HS6ST3: variants seen among roughly 807,000 people sequenced by gnomAD.
The protein encoded by HS6ST3 is heparan sulfate 6-O-sulfotransferase 3.
Under a neutral mutation model 36.7 loss-of-function variants are expected in HS6ST3, and 12 were observed. That is an observed-to-expected ratio of 0.33 (90% CI 0.21 to 0.53). The LOEUF is 0.53. Among genes scored for constraint, HS6ST3 ranks in the 20% least tolerant of loss-of-function variants. The probability of loss-of-function intolerance (pLI) is 0.95; values close to 1 mark genes in which losing one functional copy is unlikely to be tolerated. For synonymous variants in HS6ST3, 240 were observed against 257.5 expected (o/e 0.93, Z 0.65); for missense variants, 584 against 640.9 (o/e 0.91, Z 0.96).
At chr13:96,481,863 T>C (rs1302017313) in intron 1 of HS6ST3, among the ~76,000 whole-genome samples, 1 of 152,148 alleles carries the variant, frequency 6.6e-6, no homozygotes, top group East Asian at 1.9e-4. Flanking sequence ...TAATTATTTT[T>C]CAAAATTCTC....
intron 1 of HS6ST3, among the ~76,000 whole-genome samples, chr13:96,770,731 T>G (rs1453782080): frequency 6.6e-6 from 1 of 152,242 alleles, no homozygotes; most frequent in Non-Finnish European, 1.5e-5. Context: ...AGTGCTCACT[T>G]TCATCAAGCT....
intron 1 of HS6ST3, among the ~76,000 whole-genome samples, chr13:96,407,051 AT>A (rs1247273142): frequency 1.3e-5 from 2 of 152,250 alleles, no homozygotes; most frequent in African/African-American, 4.8e-5. Flanking sequence ...GCAGTGATTT[AT>A]AAAAAGTTAT....
intron 1 of HS6ST3, among the ~76,000 whole-genome samples, chr13:96,652,104 A>C (rs2056609584): frequency 6.6e-6 from 1 of 152,074 alleles, no homozygotes; most frequent in South Asian, 2.1e-4. Context: ...AATACAGTTT[A>C]TGTATACACA....
intron 1 of HS6ST3, among the ~76,000 whole-genome samples, chr13:96,213,755 G>A (rs2054410574): frequency 6.6e-6 from 1 of 152,176 alleles, no homozygotes; most frequent in Admixed American, 6.5e-5. Context: ...GTCATTTTCA[G>A]AGATAGGAAG....
chr13:96,655,245 G>A (rs973570503), intron 1 of HS6ST3, among the ~76,000 whole-genome samples: 2 of 152,102 alleles, frequency 1.3e-5, no homozygotes, highest in Admixed American at 1.3e-4. Flanking sequence ...GGACTAGAAA[G>A]ACGGTGAACC....
intron 1 of HS6ST3, among the ~76,000 whole-genome samples, chr13:96,508,275 G>T (rs1394925212): frequency 6.6e-6 from 1 of 151,896 alleles, no homozygotes; most frequent in Non-Finnish European, 1.5e-5. Flanking sequence ...TTTTCTACTT[G>T]TAGTTTTCAT....
At chr13:96,431,172 C>T (rs1003312141) in intron 1 of HS6ST3, among the ~76,000 whole-genome samples, 1 of 151,962 alleles carries the variant, frequency 6.6e-6, no homozygotes, top group Non-Finnish European at 1.5e-5. Context: ...CCACTGCGCT[C>T]CAGCCTGGGA....
At chr13:96,754,066 G>A (rs1876766033) in intron 1 of HS6ST3, among the ~76,000 whole-genome samples, 1 of 152,086 alleles carries the variant, frequency 6.6e-6, no homozygotes, top group Admixed American at 6.6e-5. Context: ...TGATCCACCT[G>A]CTTCGGCCTC....
intron 1 of HS6ST3, among the ~76,000 whole-genome samples, chr13:96,150,332 C>T (rs955180378): frequency 2.0e-5 from 3 of 151,892 alleles, no homozygotes; most frequent in Non-Finnish European, 4.4e-5. Flanking sequence ...CAGAGTGAAC[C>T]AATCATTAGA....
chr13:96,180,666 G>A (rs1207694335), intron 1 of HS6ST3, among the ~76,000 whole-genome samples: 3 of 152,192 alleles, frequency 2.0e-5, no homozygotes, highest in Admixed American at 1.3e-4. Flanking sequence ...TGAGGCAAGT[G>A]TTGTATATGG....
chr13:96,214,366 C>A (rs1171007691), intron 1 of HS6ST3, among the ~76,000 whole-genome samples: 1 of 152,168 alleles, frequency 6.6e-6, no homozygotes, highest in Non-Finnish European at 1.5e-5. Context: ...CATCTCATCT[C>A]TGACCACTAC....
intron 1 of HS6ST3, among the ~76,000 whole-genome samples, chr13:96,802,533 G>T (rs1180757953): frequency 6.6e-6 from 1 of 152,068 alleles, no homozygotes; most frequent in East Asian, 1.9e-4. Flanking sequence ...GCATCCTGTG[G>T]TACCAAGAAT....
chr13:96,711,406 G>A (rs1875558018), intron 1 of HS6ST3, among the ~76,000 whole-genome samples: 1 of 152,166 alleles, frequency 6.6e-6, no homozygotes, highest in African/African-American at 2.4e-5. Context: ...TAATACTGTA[G>A]TAATAAAATA....
chr13:96,427,021 A>G (rs1174473844), intron 1 of HS6ST3, among the ~76,000 whole-genome samples: 1 of 152,206 alleles, frequency 6.6e-6, no homozygotes, highest in Non-Finnish European at 1.5e-5. Flanking sequence ...TTACAGCAGA[A>G]TTGGGGGTAG....
chr13:96,239,566 A>C (rs1479700348), intron 1 of HS6ST3, among the ~76,000 whole-genome samples: 6 of 152,226 alleles, frequency 3.9e-5, no homozygotes, highest in Non-Finnish European at 1.5e-5. Context: ...TGTTTTATTA[A>C]AGCCAATTAC....
At chr13:96,737,500 C>T (rs1478653970) in intron 1 of HS6ST3, among the ~76,000 whole-genome samples, 1 of 150,860 alleles carries the variant, frequency 6.6e-6, no homozygotes, top group African/African-American at 2.4e-5. Flanking sequence ...TGGCGGGTGC[C>T]TGTAGTCCCA....
intron 1 of HS6ST3, among the ~76,000 whole-genome samples, chr13:96,830,043 C>A (rs540356578): frequency 6.8e-6 from 1 of 147,844 alleles, no homozygotes; most frequent in African/African-American, 2.5e-5. Context: ...AGTACCCATA[C>A]AACCATTCTG....
intron 1 of HS6ST3, among the ~76,000 whole-genome samples, chr13:96,826,631 G>T (rs1878653637): frequency 1.3e-5 from 2 of 152,270 alleles, no homozygotes; most frequent in South Asian, 4.1e-4. Context: ...AGCTGGTCCA[G>T]GGAAGATATG....
At chr13:96,491,208 C>T (rs908916656) in intron 1 of HS6ST3, among the ~76,000 whole-genome samples, 4 of 151,920 alleles carry the variant, frequency 2.6e-5, no homozygotes, top group Non-Finnish European at 4.4e-5. Context: ...TTTTGCTAAC[C>T]AAACACATTT....
Sources: allele counts gnomAD v4.1 joint callset (sites outside exome capture counted in the v4.1 genomes callset), GRCh38; gene constraint gnomAD v4.1.1; transcripts MANE v1.5; gene names NCBI Gene and HGNC (gene_info 2026-07-23, HGNC 2026-07-21).